Variants in RAD51B observed in about 807,000 individuals in gnomAD.
RAD51B encodes the protein RAD51 paralog B.
Under a neutral mutation model 42.2 loss-of-function variants are expected in RAD51B, and 38 were observed. The ratio of observed to expected loss-of-function variants is 0.90; its 90% CI spans 0.70 to 1.18. The LOEUF is 1.18. RAD51B is among the 50% of genes most tolerant of loss of function. RAD51B has a pLI of 0.00. For missense variants in RAD51B, 373 were observed against 400.7 expected, an observed-to-expected ratio of 0.93 and a Z score of 0.59; for synonymous variants, 154 against 145.2, an observed-to-expected ratio of 1.06 and a Z score of -0.43.
intron 11 of RAD51B, among the ~76,000 whole-genome samples, chr14:68,663,534 T>C (rs1892976989): frequency 6.6e-6 from 1 of 152,190 alleles, no homozygotes; most frequent in Admixed American, 6.5e-5. Context: ...GAGGGCTTCA[T>C]CTTTCCTTGT....
At chr14:68,409,028 G>A (rs540694077) in intron 8 of RAD51B, among the ~76,000 whole-genome samples, 1 of 152,264 alleles carries the variant, frequency 6.6e-6, no homozygotes, top group African/African-American at 2.4e-5. Context: ...TGAGGTGTTG[G>A]GGACTGATGG....
chr14:68,172,096 A>C (rs1307093384), intron 7 of RAD51B, among the ~76,000 whole-genome samples: 7 of 152,230 alleles, frequency 4.6e-5, no homozygotes, highest in Non-Finnish European at 5.9e-5. Flanking sequence ...CATATCCACC[A>C]GTCAATTTTA....
chr14:67,887,380 C>T (rs2043094368), intron 7 of RAD51B, 176 bp downstream of exon 7: 1 of 485,060 alleles, frequency 2.1e-6, no homozygotes, highest in Non-Finnish European at 3.6e-6. Context: ...TAAATTAGCT[C>T]ATCTGCTGAG....
intron 4 of RAD51B, among the ~76,000 whole-genome samples, chr14:67,848,093 C>T (rs750449617): frequency 2.6e-5 from 4 of 152,246 alleles, no homozygotes; most frequent in Non-Finnish European, 5.9e-5. Flanking sequence ...TCTCTGCTCA[C>T]TCCAAACTCC....
chr14:67,905,681 A>T (rs2043760588), intron 7 of RAD51B, among the ~76,000 whole-genome samples: 1 of 151,976 alleles, frequency 6.6e-6, no homozygotes, highest in Admixed American at 6.6e-5. Flanking sequence ...GGCTATTGTG[A>T]ATAGGATTGC....
intron 7 of RAD51B, among the ~76,000 whole-genome samples, chr14:67,914,858 A>G (rs1231153778): frequency 2.0e-5 from 3 of 152,220 alleles, no homozygotes; most frequent in African/African-American, 7.2e-5. Context: ...GAATAAGGTG[A>G]TATCTACCTT....
At chr14:68,201,906 G>C (rs2079493992) in intron 7 of RAD51B, among the ~76,000 whole-genome samples, 1 of 152,228 alleles carries the variant, frequency 6.6e-6, no homozygotes, top group Non-Finnish European at 1.5e-5. Context: ...ACATCAGAAA[G>C]GGAGTAAAAG....
In RAD51B at chr14:68,221,253, A is replaced by G. The variant is rs185820880; in HGVS notation, c.757-70631A>G. On this transcript the variant is annotated intron_variant, in intron 7 of 10. Transcript: ENST00000471583. ...TGTGAGTCAAAGCAATACTAAGCAT[A>G]AAGAACAAATCTGGAGGCATCACAT... 2.6e-5 allele frequency among the ~76,000 whole-genome samples: 4 copies of G among 152,328 alleles called. No homozygotes were observed. The East Asian group carries it at 5.8e-4, about 22-fold the overall frequency.
At chr14:68,103,763 G>C (rs1442964929) in intron 7 of RAD51B, among the ~76,000 whole-genome samples, 4 of 152,134 alleles carry the variant, frequency 2.6e-5, no homozygotes, top group Non-Finnish European at 5.9e-5. Context: ...GACCACTTCA[G>C]ATAAGGAGGA....
intron 10 of RAD51B, among the ~76,000 whole-genome samples, chr14:68,496,948 G>A (rs2189516): frequency 1.3e-5 from 2 of 152,246 alleles, no homozygotes; most frequent in Admixed American, 6.5e-5. Flanking sequence ...CTAGAAGCAC[G>A]AAACTACAAG....
downstream of RAD51B, among the ~76,000 whole-genome samples, chr14:68,479,972 C>A (rs1298582641): frequency 6.6e-6 from 1 of 152,140 alleles, no homozygotes; most frequent in Non-Finnish European, 1.5e-5. Context: ...CAGGCATGAG[C>A]CACCGCGCCC....
At chr14:68,396,060 G>A (rs1275343210) in intron 8 of RAD51B, among the ~76,000 whole-genome samples, 2 of 152,152 alleles carry the variant, frequency 1.3e-5, no homozygotes, top group African/African-American at 4.8e-5. Flanking sequence ...CCTGGCTGTG[G>A]CTGCCTGTCA....
rs772133980 is a variant in RAD51B, at chr14:68,619,112, A to G, written c.1037-31669A>G. On this transcript the variant is annotated intron_variant, in intron 10 of 11. Coordinates refer to the RAD51B transcript ENST00000488612. ...AAGGGACTCTTTTCCCTCCTGACAC[A>G]TGCTCCCTGGAGAAGATTTATTTTT... Among the ~76,000 whole-genome samples the G allele has an allele frequency of 5.3e-5, 8 of 152,310 alleles. No individual in the cohort carries two copies. In the East Asian group the frequency reaches 1.3e-3, roughly 26 times the overall value.
At chr14:68,164,546 T>G (rs915319667) in intron 7 of RAD51B, among the ~76,000 whole-genome samples, 3 of 152,210 alleles carry the variant, frequency 2.0e-5, no homozygotes, top group African/African-American at 7.2e-5. Context: ...GCGGGCTTTC[T>G]GGGGCTAGTG....
At chr14:68,440,536 C>T (rs990783987) in intron 9 of RAD51B, among the ~76,000 whole-genome samples, 3 of 152,000 alleles carry the variant, frequency 2.0e-5, no homozygotes, top group African/African-American at 2.4e-5. Flanking sequence ...CCTGAGGTCA[C>T]GAGTTCGAGA....
chr14:68,607,210 A>T (rs927616594), intron 10 of RAD51B, among the ~76,000 whole-genome samples: 3 of 152,158 alleles, frequency 2.0e-5, no homozygotes, highest in Non-Finnish European at 4.4e-5. Context: ...AGGGAGCTCC[A>T]GTGTTCCAGT....
At position 68,654,381 on chromosome 14, in the gene RAD51B, C is replaced by T. The variant is rs542192462; in HGVS notation, c.*11+3525C>T. Among the ~76,000 whole-genome samples the T allele has an allele frequency of 3.3e-5, 5 of 152,352 alleles. 1 individual carries two copies. Among genetic ancestry groups the T allele is most frequent in the African/African-American group, 1.2e-4 (5 of 41,582 alleles). On this transcript the variant is annotated intron_variant, in intron 11 of 11. Transcript: ENST00000488612. The stretch of plus-strand genomic sequence containing the variant: ...CTTTACGTCAGGGTGTGTTTCTGCT[C>T]ATCCCTCCTTGTTTGCTTTTAGATC...
rs183187449 is a variant in RAD51B, at chr14:68,194,773, A to T, written c.757-97111A>T. On this transcript the variant is annotated intron_variant, in intron 7 of 10. Transcript: ENST00000471583. ...ACTTTTGAGATTTATTAATATTTAG[A>T]AGTACAAGGGGGAAGAATACTTTTA... Among the ~76,000 whole-genome samples, 227 of 152,296 alleles carry T rather than the reference A, an allele frequency of 1.5e-3. 1 individual carries two copies. Among genetic ancestry groups the T allele is most frequent in the South Asian group, 7.9e-3 (38 of 4,820 alleles).
At chr14:68,532,332 T>C (rs1887362379) in intron 10 of RAD51B, among the ~76,000 whole-genome samples, 1 of 151,992 alleles carries the variant, frequency 6.6e-6, no homozygotes, top group South Asian at 2.1e-4. Flanking sequence ...GATAAAACCC[T>C]AGCAGGGCTG....
Sources: gnomAD v4.1 joint callset for allele counts (sites outside exome capture counted in the v4.1 genomes callset) on GRCh38, gnomAD v4.1.1 for gene constraint, MANE v1.5 for transcripts, NCBI Gene and HGNC (gene_info 2026-07-23, HGNC 2026-07-21) for gene names.